Variants in RYR2 observed in about 807,000 individuals in gnomAD.
RYR2 encodes the protein cardiac muscle ryanodine receptor-calcium release channel.
RYR2 carries 227 observed loss-of-function variants against 601.1 expected under a neutral mutation model. That is an observed-to-expected ratio of 0.38 (90% CI 0.34 to 0.42). RYR2 has a LOEUF of 0.42. Among genes scored for constraint, RYR2 ranks in the 10% least tolerant of loss-of-function variants. The pLI, the probability that RYR2 is intolerant of heterozygous loss-of-function variation, is 1.00. For synonymous variants in RYR2, 2,223 were observed against 2,175.1 expected (o/e 1.02, Z -0.61); for missense variants, 4,646 against 6,156.5 (o/e 0.75, Z 8.21).
chr1:237,543,854 G>A (rs1489191232), intron 25 of RYR2, among the ~76,000 whole-genome samples: 2 of 152,130 alleles, frequency 1.3e-5, no homozygotes, highest in Non-Finnish European at 2.9e-5. Context: ...AAAAATGTGG[G>A]TCAGATGGGA....
chr1:237,562,607 G>T (rs1190694236), intron 27 of RYR2, among the ~76,000 whole-genome samples: 3 of 152,094 alleles, frequency 2.0e-5, no homozygotes, highest in Non-Finnish European at 4.4e-5. Context: ...AATTGTTTCT[G>T]CTTTGAATAC....
At position 237,765,040 on chromosome 1, in the gene RYR2, G is replaced by GTT. The variant is rs755392202; in HGVS notation, c.11476+4023_11476+4024dup. Among the ~76,000 whole-genome samples the GTT allele has an allele frequency of 5.0e-3, 727 of 144,310 alleles. 6 individuals carry two copies. The highest frequency in any genetic ancestry group is 0.017 in the African/African-American group (687 of 39,494). The allele number at this position is 144,310 out of a possible 152,430, so 94.7% of individuals were successfully genotyped here. A position where few individuals can be genotyped will look rare whatever the true frequency, so the allele number is the denominator to read the frequency against. Reference sequence around the variant, plus strand: ...TTTCTGTGAAAGCCTGAGCCTCCCAGTTTTTTTTTTTTAAAGGTTCTTCAG... The same window carrying GTT: ...TTTCTGTGAAAGCCTGAGCCTCCCAGTTTTTTTTTTTTTTAAAGGTTCTTCAG... On this transcript the variant is annotated intron_variant, in intron 84 of 104. Transcript: ENST00000366574.
intron 1 of RYR2, among the ~76,000 whole-genome samples, chr1:237,265,197 GA>G (rs975400933): frequency 6.6e-6 from 1 of 152,148 alleles, no homozygotes; most frequent in African/African-American, 2.4e-5. Context: ...AGAGAAGAGA[GA>G]AAGGGGTTTA....
At chr1:237,489,407 A>G (rs1197245660) in intron 17 of RYR2, among the ~76,000 whole-genome samples, 1 of 152,220 alleles carries the variant, frequency 6.6e-6, no homozygotes, top group Non-Finnish European at 1.5e-5. Flanking sequence ...CTGTAATCCC[A>G]GCACTTTAGG....
intron 2 of RYR2, among the ~76,000 whole-genome samples, chr1:237,310,294 G>A (rs999636912): frequency 2.0e-4 from 31 of 152,146 alleles, no homozygotes; most frequent in African/African-American, 7.2e-4. Flanking sequence ...TGGGTTGTGG[G>A]AATATAATGT....
intron 8 of RYR2, among the ~76,000 whole-genome samples, chr1:237,379,556 A>T (rs1701283437): frequency 6.6e-6 from 1 of 152,276 alleles, no homozygotes; most frequent in African/African-American, 2.4e-5. Flanking sequence ...TACCTCCTAT[A>T]GAAGGAAATA....
At chr1:237,519,320 G>A (rs1666868325) in intron 24 of RYR2, among the ~76,000 whole-genome samples, 1 of 152,050 alleles carries the variant, frequency 6.6e-6, no homozygotes, top group Non-Finnish European at 1.5e-5. Context: ...TTTGTTGCCT[G>A]GGTTTTTGAC....
At chr1:237,111,047 C>A (rs936529330) in intron 1 of RYR2, among the ~76,000 whole-genome samples, 1 of 152,186 alleles carries the variant, frequency 6.6e-6, no homozygotes, top group African/African-American at 2.4e-5. Context: ...CTAGCTTCAA[C>A]ATCCTTCTGA....
At chr1:237,782,100 G>C (rs1228941453) in intron 89 of RYR2, among the ~76,000 whole-genome samples, 1 of 151,442 alleles carries the variant, frequency 6.6e-6, no homozygotes, top group Non-Finnish European at 1.5e-5. Context: ...GCAGCTGGCA[G>C]TGGTAGTCTT....
intron 24 of RYR2, among the ~76,000 whole-genome samples, chr1:237,513,746 G>A (rs537318006): frequency 5.9e-5 from 9 of 152,290 alleles, no homozygotes; most frequent in Non-Finnish European, 1.2e-4. Context: ...AGGCTATATC[G>A]TATAGCTTAG....
At chr1:237,148,649 G>A (rs1468420234) in intron 1 of RYR2, among the ~76,000 whole-genome samples, 1 of 150,824 alleles carries the variant, frequency 6.6e-6, no homozygotes, top group African/African-American at 2.4e-5. Context: ...AAGGCAGCAT[G>A]GGAGAATAGA....
intron 1 of RYR2, among the ~76,000 whole-genome samples, chr1:237,051,594 A>T (rs966812326): frequency 6.6e-6 from 1 of 152,022 alleles, no homozygotes; most frequent in African/African-American, 2.4e-5. Context: ...TAGTCAGGAG[A>T]TCAGAGCTTT....
chr1:237,800,439 T>A (rs1381380953), intron 97 of RYR2, among the ~76,000 whole-genome samples: 8 of 152,134 alleles, frequency 5.3e-5, no homozygotes, highest in Admixed American at 5.2e-4. Flanking sequence ...TTGTTTTTAA[T>A]CCTGGAGTAA....
chr1:237,166,849 G>GT (rs1676765284), intron 1 of RYR2, among the ~76,000 whole-genome samples: 1 of 152,126 alleles, frequency 6.6e-6, no homozygotes, highest in South Asian at 2.1e-4. Flanking sequence ...AGGTTCTAGG[G>GT]TTTCAGGTTC....
intron 1 of RYR2, among the ~76,000 whole-genome samples, chr1:237,126,283 C>A (rs550105094): frequency 1.3e-5 from 2 of 151,754 alleles, no homozygotes; most frequent in South Asian, 2.1e-4. Context: ...CCTGTGGTGG[C>A]CATGGAGGTG....
chr1:237,590,204 T>C (rs61832647), intron 30 of RYR2, among the ~76,000 whole-genome samples: 1 of 124,186 alleles, frequency 8.1e-6, no homozygotes, highest in African/African-American at 2.5e-5. Flanking sequence ...TTGCTTTCAA[T>C]TCTTTTTTTT....
chr1:237,068,515 C>T (rs897917045), intron 1 of RYR2, among the ~76,000 whole-genome samples: 1 of 152,090 alleles, frequency 6.6e-6, no homozygotes, highest in Non-Finnish European at 1.5e-5. Flanking sequence ...TTACTTCAGT[C>T]TGTGGTTTCA....
intron 57 of RYR2, among the ~76,000 whole-genome samples, chr1:237,667,322 T>C (rs1212784563): frequency 1.3e-5 from 2 of 152,214 alleles, no homozygotes; most frequent in Admixed American, 1.3e-4. Context: ...TGGTTTGCCA[T>C]TTGTTATTGC....
chr1:237,173,034 C>A (rs1350947325), intron 1 of RYR2, among the ~76,000 whole-genome samples: 2 of 152,152 alleles, frequency 1.3e-5, no homozygotes, highest in African/African-American at 2.4e-5. Context: ...CTTATGATAA[C>A]TGTTAAGGTT....
Sources: allele counts gnomAD v4.1 joint callset (sites outside exome capture counted in the v4.1 genomes callset), GRCh38; gene constraint gnomAD v4.1.1; transcripts MANE v1.5; gene names NCBI Gene and HGNC (gene_info 2026-07-23, HGNC 2026-07-21).